Variants in GOLGA8J observed in about 807,000 individuals in gnomAD.
GOLGA8J encodes golgin A8 family member J.
In GOLGA8J, 19 loss-of-function variants were observed where a neutral mutation model predicts 67.7. The ratio of observed to expected loss-of-function variants is 0.28; its 90% confidence interval spans 0.20 to 0.41. The LOEUF is 0.41. Among genes scored for constraint, GOLGA8J ranks in the 10% least tolerant of loss-of-function variants. The pLI is 1.00. For missense variants in GOLGA8J, 205 were observed against 584.3 expected (o/e 0.35, Z 6.69); for synonymous variants, 69 against 215.9 (o/e 0.32, Z 5.97).
At chr15:30,090,055 G>T (rs1392283300) in intron 12 of GOLGA8J, 99 bp downstream of exon 12, 1 of 1,297,726 alleles carries the variant, frequency 7.7e-7, no homozygotes, top group Non-Finnish European at 1.0e-6. Flanking sequence ...CACATGAAAT[G>T]TTACTTCTAA....
chr15:30,090,665 A>C (rs1595389404), intron 13 of GOLGA8J, among the ~76,000 whole-genome samples: 1 of 115,726 alleles, frequency 8.6e-6, no homozygotes, highest in Non-Finnish European at 1.7e-5. Flanking sequence ...ATGTGGTAAA[A>C]CCTCATCTCT....
At position 30,094,201 on chromosome 15, in the gene GOLGA8J, C is replaced by T. The variant is rs1372650331; in HGVS notation, c.*702C>T. On this transcript the variant is annotated 3_prime_UTR_variant, in exon 19 of 19. Coordinates refer to ENST00000567927, the MANE Select transcript of GOLGA8J (RefSeq NM_001282472.2). Reference sequence around the variant, plus strand: ...AGAGTGTGTTTCATCTGTTCCGGTGCCCGGAATTAGCAGTGTATTATGGTG... The same window carrying T: ...AGAGTGTGTTTCATCTGTTCCGGTGTCCGGAATTAGCAGTGTATTATGGTG... Among the ~76,000 whole-genome samples the T allele has an allele frequency of 7.0e-6, 1 of 142,286 alleles. No individual in the cohort carries two copies. The highest frequency in any genetic ancestry group is 1.5e-5 in the Non-Finnish European group (1 of 67,248). 93.3% of individuals were successfully genotyped at this position (142,286 alleles called of 152,430 possible).
chr15:30,088,607 A>G (rs1429104531), intron 8 of GOLGA8J, 133 bp from the exon 9 acceptor site: 2 of 832,490 alleles, frequency 2.4e-6, no homozygotes, highest in Middle Eastern at 3.5e-4. Flanking sequence ...TAAAAACCAG[A>G]CCACGGGCTT....
chr15:30,084,782 T>C lies in GOLGA8J; in HGVS notation c.60T>C (p.Tyr20=). Residue 20 remains tyrosine (Y), a synonymous_variant, in exon 2 of 19, where the codon TAT becomes TAC. Transcript: ENST00000567927. ...CTTCTTTCCAACAGTTAAAAGAATA[T>C]TGGCAGAAAAACAGCCCTAGAGTTC... ...LAAAKKKLKE[Y]WQKNSPRVPA... The C allele has an allele frequency of 8.7e-7, 1 of 1,142,930 alleles. No homozygotes were observed. The highest frequency in any genetic ancestry group is 1.2e-6 in the Non-Finnish European group (1 of 864,480). The allele number at this position is 1,142,930 out of a possible 1,614,324, so 70.8% of individuals were successfully genotyped here.
rs1334746762 is a variant in GOLGA8J, at chr15:30,082,994, C to T, written c.-59C>T. 9.7e-4 allele frequency: 33 copies of T among 33,970 alleles called. No homozygotes were observed. Among genetic ancestry groups the T allele is most frequent in the Admixed American group, 1.3e-3 (5 of 3,758 alleles). 2.1% of individuals were successfully genotyped at this position (33,970 alleles called of 1,614,324 possible). On this transcript the variant is annotated 5_prime_UTR_variant, in exon 1 of 19. Coordinates refer to ENST00000567927, the MANE Select transcript of GOLGA8J (RefSeq NM_001282472.2). ...CTGGTAGGTGACTGGAGGCCTTGAT[C>T]GGTTCTCATTGAGATTTTGCTGCTG...
Sources: allele counts gnomAD v4.1 joint callset (sites outside exome capture counted in the v4.1 genomes callset), GRCh38; gene constraint gnomAD v4.1.1; transcripts MANE v1.5; gene names NCBI Gene and HGNC (gene_info 2026-07-23, HGNC 2026-07-21).